CYP7B1: variants seen among roughly 807,000 people sequenced by gnomAD.
CYP7B1 encodes the protein cytochrome P450 family 7 subfamily B member 1.
In CYP7B1, 29 loss-of-function variants were observed where a neutral mutation model predicts 42.7. The observed-to-expected ratio is 0.68, with a 90% CI of 0.51 to 0.93. The LOEUF (loss-of-function observed/expected upper bound fraction) is 0.93. CYP7B1 is among the 40% of genes least tolerant of loss of function. CYP7B1 has a pLI of 0.00. For synonymous variants in CYP7B1, 235 were observed against 218.2 expected, an observed-to-expected ratio of 1.08 and a Z score of -0.68; for missense variants, 655 against 600.5, an observed-to-expected ratio of 1.09 and a Z score of -0.95.
intron 1 of CYP7B1, among the ~76,000 whole-genome samples, chr8:64,713,544 T>C (rs1807111531): frequency 6.6e-6 from 1 of 151,898 alleles, no homozygotes; most frequent in Non-Finnish European, 1.5e-5. Context: ...AATGAAAATA[T>C]TAAGAGATGA....
chr8:64,709,688 A>G (rs986325469), intron 1 of CYP7B1, among the ~76,000 whole-genome samples: 2 of 152,232 alleles, frequency 1.3e-5, no homozygotes, highest in African/African-American at 4.8e-5. Flanking sequence ...GGATGGAATC[A>G]TAATTTGTGT....
Position 64,616,244 on chromosome 8 carries a change from G to A in CYP7B1, c.297C>T (p.Tyr99=), listed in dbSNP as rs369843355. The change falls in exon 3 of 6, where the codon TAC becomes TAT. Residue 99 remains tyrosine, a synonymous_variant. Coordinates refer to ENST00000310193, the MANE Select transcript of CYP7B1 (RefSeq NM_004820.5). ...GTTTATGATTTTTTATCACTAGCTG[G>A]TACTGGAAGGGGTCCAGGATAAATG... ...YITFILDPFQ[Y]QLVIKNHKQL... The A allele has an allele frequency of 5.6e-6, 9 of 1,606,292 alleles. No individual in the cohort carries two copies. Among genetic ancestry groups the A allele is most frequent in the Non-Finnish European group, 6.0e-6 (7 of 1,176,358 alleles).
At chr8:64,784,583 T>C (rs1305819015) in intron 1 of CYP7B1, among the ~76,000 whole-genome samples, 1 of 152,174 alleles carries the variant, frequency 6.6e-6, no homozygotes, top group Non-Finnish European at 1.5e-5. Flanking sequence ...TAATGTATCA[T>C]GGTTCAAAAA....
rs1215269229 is a variant in CYP7B1 at position 64,615,049 on chromosome 8, T to C, written c.1034A>G (p.Gln345Arg). The change falls in exon 4 of 6, where the codon CAA (glutamine) becomes CGA (arginine). Residue 345 changes from glutamine to arginine, a missense_variant. Gln to Arg is a conservative substitution (Grantham distance 43). Coordinates refer to ENST00000310193, the MANE Select transcript of CYP7B1 (RefSeq NM_004820.5). ...ACCTAGGCAGATTAGGCTGTCCAATTGTTCTCTGGTGAGGTGGATGGGAAA... is the reference window on the plus strand; with the variant it reads ...ACCTAGGCAGATTAGGCTGTCCAATCGTTCTCTGGTGAGGTGGATGGGAAA... ...SGFPIHLTRE[Q>R]LDSLICLESS... 3 of 1,613,552 alleles carry C rather than the reference T, an allele frequency of 1.9e-6. No individual in the cohort carries two copies. The highest frequency in any genetic ancestry group is 1.3e-5 in the African/African-American group (1 of 74,900).
intron 1 of CYP7B1, among the ~76,000 whole-genome samples, chr8:64,722,847 C>T (rs1807266576): frequency 6.7e-6 from 1 of 149,352 alleles, no homozygotes; most frequent in Admixed American, 6.8e-5. Context: ...TTAAGCCTCA[C>T]AATGACTGGA....
At chr8:64,700,945 T>C (rs1806906987) in intron 1 of CYP7B1, among the ~76,000 whole-genome samples, 1 of 144,366 alleles carries the variant, frequency 6.9e-6, no homozygotes, top group Non-Finnish European at 1.5e-5. Flanking sequence ...GTTGTTGTTG[T>C]TGCAATCACT....
At chr8:64,588,743 T>G (rs1804999601), downstream of CYP7B1, among the ~76,000 whole-genome samples, 1 of 152,076 alleles carries the variant, frequency 6.6e-6, no homozygotes, top group South Asian at 2.1e-4. Context: ...ACATTTGCCA[T>G]GTGCAGTCTA....
At chr8:64,798,276 T>TGGGTCCC (rs1804737939) in intron 1 of CYP7B1, among the ~76,000 whole-genome samples, 190 bp downstream of exon 1, 1 of 152,248 alleles carries the variant, frequency 6.6e-6, no homozygotes, top group African/African-American at 2.4e-5. Context: ...CTTTAATATG[T>TGGGTCCC]ACGCGTATGT....
At chr8:64,764,229 G>GCCCCCCCCCCCCCCCCC (rs59605103) in intron 1 of CYP7B1, among the ~76,000 whole-genome samples, 7 of 125,144 alleles carry the variant, frequency 5.6e-5, no homozygotes, top group South Asian at 2.8e-4. Flanking sequence ...CTTCCACGCT[G>GCCCCCCCCCCCCCCCCC]CCCCCCCCAC....
At chr8:64,684,476 T>C (rs1353283384) in intron 1 of CYP7B1, among the ~76,000 whole-genome samples, 1 of 152,242 alleles carries the variant, frequency 6.6e-6, no homozygotes, top group Non-Finnish European at 1.5e-5. Flanking sequence ...GTATCACGCT[T>C]TGTTAAAATA....
intron 1 of CYP7B1, among the ~76,000 whole-genome samples, chr8:64,764,415 G>A (rs1807940842): frequency 6.6e-6 from 1 of 152,078 alleles, no homozygotes; most frequent in African/African-American, 2.4e-5. Flanking sequence ...GGGAAAGAGA[G>A]GCAGAGAGAA....
intron 1 of CYP7B1, among the ~76,000 whole-genome samples, chr8:64,687,927 A>G (rs2129632142): frequency 6.6e-6 from 1 of 152,342 alleles, no homozygotes; most frequent in South Asian, 2.1e-4. Flanking sequence ...GTTGTCTGCA[A>G]GATTCTCTTC....
chr8:64,711,482 G>A (rs1033921650), intron 1 of CYP7B1, among the ~76,000 whole-genome samples: 1 of 152,186 alleles, frequency 6.6e-6, no homozygotes, highest in African/African-American at 2.4e-5. Flanking sequence ...TCTGCCCAGT[G>A]TTGGTTTTGT....
intron 2 of CYP7B1, among the ~76,000 whole-genome samples, chr8:64,618,620 GTC>G (rs1246377676): frequency 8.3e-6 from 1 of 120,092 alleles, no homozygotes. Flanking sequence ...CTCTCCCTCT[GTC>G]TCTCTATTTC....
intron 4 of CYP7B1, among the ~76,000 whole-genome samples, chr8:64,613,931 G>T (rs545916217): frequency 1.3e-5 from 2 of 152,212 alleles, no homozygotes; most frequent in South Asian, 4.1e-4. Flanking sequence ...TCCCATTAAA[G>T]AACCTGGAAC....
At chr8:64,623,552 C>T (rs894673707) in intron 2 of CYP7B1, among the ~76,000 whole-genome samples, 2 of 152,288 alleles carry the variant, frequency 1.3e-5, no homozygotes, top group Middle Eastern at 3.4e-3. Flanking sequence ...ATAGCTGATA[C>T]AGCTACATAG....
chr8:64,720,025 T>C (rs1012474934), intron 1 of CYP7B1, among the ~76,000 whole-genome samples: 1 of 152,196 alleles, frequency 6.6e-6, no homozygotes, highest in Non-Finnish European at 1.5e-5. Flanking sequence ...TTAATAATAC[T>C]TCAGACCTTT....
chr8:64,680,696 A>AATGAAGCAC (rs1190605928), intron 1 of CYP7B1, among the ~76,000 whole-genome samples: 4 of 152,228 alleles, frequency 2.6e-5, no homozygotes, highest in African/African-American at 7.2e-5. Flanking sequence ...ATCAGAGGGC[A>AATGAAGCAC]ATAAAAGGAT....
At chr8:64,649,474 G>T (rs1359507954) in intron 1 of CYP7B1, among the ~76,000 whole-genome samples, 1 of 152,124 alleles carries the variant, frequency 6.6e-6, no homozygotes, top group African/African-American at 2.4e-5. Flanking sequence ...GGACATCTGG[G>T]TTACCTCCAC....
Sources: allele counts gnomAD v4.1 joint callset (sites outside exome capture counted in the v4.1 genomes callset), GRCh38; gene constraint gnomAD v4.1.1; transcripts MANE v1.5; gene names NCBI Gene and HGNC (gene_info 2026-07-23, HGNC 2026-07-21).